Variants in GLS observed in about 807,000 individuals in gnomAD.
GLS encodes glutaminase kidney isoform, mitochondrial.
In GLS, 36 loss-of-function variants were observed where a neutral mutation model predicts 86.7. That is an observed-to-expected ratio of 0.42 (90% CI 0.32 to 0.55). The LOEUF is 0.55. Ranked by LOEUF, GLS falls within the 20% of genes least tolerant of loss-of-function variation. GLS has a pLI of 0.17. For synonymous variants in GLS, 317 were observed against 305.9 expected (o/e 1.04, Z -0.38); for missense variants, 528 against 833.4 (o/e 0.63, Z 4.51).
intron 7 of GLS, among the ~76,000 whole-genome samples, chr2:190,916,970 G>T (rs1197042241): frequency 1.3e-5 from 2 of 152,208 alleles, no homozygotes; most frequent in African/African-American, 4.8e-5. Flanking sequence ...TCTTGATGTT[G>T]ATGACTACTG....
exon 18 of GLS, chr2:190,965,550 A>AAAC (rs768381454): frequency 2.0e-5 from 3 of 152,538 alleles, no homozygotes; most frequent in Non-Finnish European, 4.4e-5. The surrounding 1 kb of genome is among the most constrained non-coding windows in gnomAD (Gnocchi z 5.0). Flanking sequence ...ATCAAAAAAA[A>AAAC]AACTGTGTGG....
intron 14 of GLS, chr2:190,932,560 T>C (rs867145882): frequency 1.7e-5 from 7 of 413,688 alleles, no homozygotes; most frequent in Non-Finnish European, 2.5e-5. Context: ...GAAACTTCCA[T>C]GGGAGTCGAC....
chr2:190,898,260 T>C (rs1012434686), intron 3 of GLS, among the ~76,000 whole-genome samples: 11 of 152,246 alleles, frequency 7.2e-5, no homozygotes, highest in African/African-American at 2.4e-4. Context: ...TGTCAATCAT[T>C]GTGCATTAGT....
chr2:190,941,790 T>G (rs1320748511), intron 14 of GLS, among the ~76,000 whole-genome samples: 1 of 152,118 alleles, frequency 6.6e-6, no homozygotes, highest in Non-Finnish European at 1.5e-5. Context: ...TGGCTGTGGA[T>G]GACTCCTAAG....
chr2:190,907,536 G>A (rs201141882), intron 6 of GLS, among the ~76,000 whole-genome samples: 1 of 152,084 alleles, frequency 6.6e-6, no homozygotes, highest in African/African-American at 2.4e-5. Flanking sequence ...GATTACAGGC[G>A]TGAGCCACCA....
At chr2:190,927,547 TG>T in intron 12 of GLS, 65 bp downstream of exon 12, 2 of 1,181,014 alleles carry the variant, frequency 1.7e-6, no homozygotes, top group Non-Finnish European at 2.4e-6. Flanking sequence ...CTTTTAAAAA[TG>T]CAGTTTGAAC....
intron 1 of GLS, among the ~76,000 whole-genome samples, chr2:190,888,563 T>G (rs11681912): frequency 0.12 from 17,566 of 152,220 alleles, 1,387 homozygotes; most frequent in Admixed American, 0.27. Context: ...CTCTAGTCAC[T>G]ACTACAACTT....
rs577124857 is a variant in GLS at position 190,905,181 on chromosome 2, A to G, written c.979+14A>G. On this transcript the variant is annotated intron_variant, in intron 6 of 17. Transcript: ENST00000320717. The surrounding 1 kb of genome is among the most constrained non-coding windows in gnomAD (Gnocchi z 4.6). ...TGAATGAAGATGGTAAGAATTACAT[A>G]AACATTGGTTGAAAAAAGAAATGTC... is the stretch of plus-strand genomic sequence containing the variant. 4.7e-5 allele frequency: 70 copies of G among 1,500,506 alleles called. No homozygotes were observed. In the South Asian group the frequency reaches 5.8e-4, roughly 12 times the overall value. The allele number at this position is 1,500,506 out of a possible 1,614,324, so 92.9% of individuals were successfully genotyped here.
intron 1 of GLS, chr2:190,882,209 A>C (rs1688226734): frequency 6.6e-6 from 1 of 152,258 alleles, no homozygotes; most frequent in East Asian, 1.9e-4. Flanking sequence ...TTTTAGAAAT[A>C]AAAGTTAAAT....
chr2:190,963,120 A>G lies in GLS; in HGVS notation c.*134A>G. 2 of 640,264 alleles carry G rather than the reference A, an allele frequency of 3.1e-6. No individual in the cohort carries two copies. The highest frequency in any genetic ancestry group is 3.5e-5 in the Admixed American group (1 of 28,430). The allele number at this position is 640,264 out of a possible 1,614,324, so 39.7% of individuals were successfully genotyped here. A position where few individuals can be genotyped will look rare whatever the true frequency, so the allele number is the denominator to read the frequency against. ...TTTCAGTGTTACTGGAGTTTTCTTCATTGTGCACACAGGACAAATCTGATC... is the reference window on the plus strand; with the variant it reads ...TTTCAGTGTTACTGGAGTTTTCTTCGTTGTGCACACAGGACAAATCTGATC... On this transcript the variant is annotated 3_prime_UTR_variant, in exon 18 of 18. Coordinates refer to ENST00000320717, the MANE Select transcript of GLS (RefSeq NM_014905.5).
chr2:190,961,867 G>A (rs1691010942), intron 17 of GLS, among the ~76,000 whole-genome samples: 1 of 152,102 alleles, frequency 6.6e-6, no homozygotes, highest in African/African-American at 2.4e-5. Context: ...GAGATGGAAA[G>A]GAAAGAAGGA....
At chr2:190,941,527 T>C (rs1690430176) in intron 14 of GLS, among the ~76,000 whole-genome samples, 1 of 141,358 alleles carries the variant, frequency 7.1e-6, no homozygotes, top group Non-Finnish European at 1.5e-5. Flanking sequence ...ATAATGATAA[T>C]GATAGAAAAG....
chr2:190,963,030 TG>T lies in GLS; in HGVS notation c.*46del. 1 of 1,336,500 alleles carries T rather than the reference TG, an allele frequency of 7.5e-7. No homozygotes were observed. The highest frequency in any genetic ancestry group is 1.0e-6 in the Non-Finnish European group (1 of 961,726). The allele number at this position is 1,336,500 out of a possible 1,614,324, so 82.8% of individuals were successfully genotyped here. A position where few individuals can be genotyped will look rare whatever the true frequency, so the allele number is the denominator to read the frequency against. On this transcript the variant is annotated 3_prime_UTR_variant, in exon 18 of 18. Coordinates refer to ENST00000320717, the MANE Select transcript of GLS (RefSeq NM_014905.5). ...TTTAAATCACTTACCTATTTAATTG[TG>T]GAAAATGATTATGAAGAACATGTGT...
intron 14 of GLS, among the ~76,000 whole-genome samples, chr2:190,937,858 G>C (rs200447711): frequency 2.3e-5 from 1 of 43,010 alleles, no homozygotes; most frequent in Non-Finnish European, 5.1e-5. Flanking sequence ...TTTTTTTTTT[G>C]TAAATTTCAT....
At chr2:190,907,507 C>T (rs1397847168) in intron 6 of GLS, among the ~76,000 whole-genome samples, 3 of 152,164 alleles carry the variant, frequency 2.0e-5, no homozygotes, top group Admixed American at 2.0e-4. Context: ...CTGCCTGCCT[C>T]AGCCTCCCAA....
Position 190,881,375 on chromosome 2 carries a change from C to G in GLS, c.291C>G (p.Pro97=). 1 of 1,539,990 alleles carries G rather than the reference C, an allele frequency of 6.5e-7. No individual in the cohort carries two copies. Among genetic ancestry groups the G allele is most frequent in the South Asian group, 1.2e-5 (1 of 83,598 alleles). Residue 97 remains proline (P), a synonymous_variant, in exon 1 of 18, where the codon CCC becomes CCG. Coordinates refer to ENST00000320717, the MANE Select transcript of GLS (RefSeq NM_014905.5). ...ATCCGCAGCCCGGGGTGTCGCCACC[C>G]GCTGCCCCGGCGGCGCCCGGCCCCA... ...STHPQPGVSP[P]AAPAAPGPKD...
At chr2:190,893,445 C>T (rs1688629270) in intron 1 of GLS, among the ~76,000 whole-genome samples, 1 of 152,186 alleles carries the variant, frequency 6.6e-6, no homozygotes, top group South Asian at 2.1e-4. Flanking sequence ...TACCAGAAAT[C>T]ATACTATGTT....
rs375229200 is a variant in GLS, at chr2:190,881,278, C to T, written c.194C>T (p.Ala65Val). 17 of 1,323,258 alleles carry T rather than the reference C, an allele frequency of 1.3e-5. No homozygotes were observed. The highest frequency in any genetic ancestry group is 1.0e-4 in the South Asian group (5 of 48,838). 82.0% of individuals were successfully genotyped at this position (1,323,258 alleles called of 1,614,324 possible). ...TGGTGGGGCGGGGGCGGCTGGCCGG[C>T]GGAGCCCCTCGCGCGGGGCCTGTCC... ...HPWWGGGGWP[A>V]EPLARGLSSS... is the part of the protein sequence containing the mutation. The change falls in exon 1 of 18, where the codon GCG (alanine) becomes GTG (valine). Residue 65 changes from alanine (A) to valine (V), a missense_variant. This residue lies in a region of GLS where 224 missense variants were observed against 187.9 expected (regional missense o/e 1.19). Transcript: ENST00000320717.
chr2:190,881,479 C>T lies in GLS; in HGVS notation c.386+9C>T. 2 of 1,536,420 alleles carry T rather than the reference C, an allele frequency of 1.3e-6. No homozygotes were observed. Among genetic ancestry groups the T allele is most frequent in the Non-Finnish European group, 1.8e-6 (2 of 1,140,488 alleles). On this transcript the variant is annotated intron_variant, in intron 1 of 17. Transcript: ENST00000320717. ...GTGGCCTCAGGTGAAAAGTGAGTGT[C>T]TCCGCGAGGCGCAGGAGGCCTCGTT...
Sources: gnomAD v4.1 joint callset for allele counts (sites outside exome capture counted in the v4.1 genomes callset) on GRCh38, gnomAD v4.1.1 for gene constraint, gnomAD v4.1.1 regional missense constraint, Gnocchi (gnomAD v3.1) non-coding constraint, MANE v1.5 for transcripts, NCBI Gene and HGNC (gene_info 2026-07-23, HGNC 2026-07-21) for gene names.